Variants in ADIPOR2 observed in about 807,000 individuals in gnomAD.
The protein encoded by ADIPOR2 is adiponectin receptor protein 2.
A neutral mutation model predicts 40.9 loss-of-function variants in ADIPOR2; 18 were observed. The ratio of observed to expected loss-of-function variants is 0.44; its 90% confidence interval spans 0.30 to 0.65. The LOEUF is 0.65. Among genes scored for constraint, ADIPOR2 ranks in the 30% least tolerant of loss-of-function variants. ADIPOR2 has a pLI of 0.09. For missense variants in ADIPOR2, 283 were observed against 479.2 expected, an observed-to-expected ratio of 0.59 and a Z score of 3.82; for synonymous variants, 165 against 166.4, an observed-to-expected ratio of 0.99 and a Z score of 0.06.
chr12:1,749,027 G>A (rs1379120465), intron 1 of ADIPOR2, among the ~76,000 whole-genome samples: 1 of 152,176 alleles, frequency 6.6e-6, no homozygotes, highest in African/African-American at 2.4e-5. Flanking sequence ...GGCTCCCATG[G>A]CCCCCTCTTT....
intron 1 of ADIPOR2, among the ~76,000 whole-genome samples, chr12:1,745,993 TAA>T (rs1466694398): frequency 6.6e-6 from 1 of 152,142 alleles, no homozygotes; most frequent in Non-Finnish European, 1.5e-5. Context: ...AAAATAAAAA[TAA>T]GTCTTCTTCC....
At position 1,786,164 on chromosome 12, in the gene ADIPOR2, GC is replaced by G; in HGVS notation, c.*96del. 2 of 1,513,328 alleles carry G rather than the reference GC, an allele frequency of 1.3e-6. No homozygotes were observed. The highest frequency in any genetic ancestry group is 2.3e-5 in the East Asian group (1 of 43,952). 93.7% of individuals were successfully genotyped at this position (1,513,328 alleles called of 1,614,324 possible). ...GGCTACTGATGCCAGTACCAGAGGA[GC>G]CCCAAAACTTTGACAGCCTCGTGGG... On this transcript the variant is annotated 3_prime_UTR_variant, in exon 8 of 8. Coordinates refer to ENST00000357103, the MANE Select transcript of ADIPOR2 (RefSeq NM_024551.3).
At chr12:1,719,376 T>A (rs2094693540) in intron 1 of ADIPOR2, among the ~76,000 whole-genome samples, 1 of 152,208 alleles carries the variant, frequency 6.6e-6, no homozygotes, top group South Asian at 2.1e-4. Context: ...ATGCATTTAT[T>A]TGAGAACAGT....
intron 1 of ADIPOR2, among the ~76,000 whole-genome samples, chr12:1,748,447 A>C (rs535649195): frequency 6.6e-6 from 1 of 151,928 alleles, no homozygotes; most frequent in African/African-American, 2.4e-5. Context: ...ATGGGGTTTC[A>C]CCGTGTTAGC....
At chr12:1,753,816 G>A (rs1027471198) in intron 1 of ADIPOR2, among the ~76,000 whole-genome samples, 1 of 151,744 alleles carries the variant, frequency 6.6e-6, no homozygotes, top group Non-Finnish European at 1.5e-5. Flanking sequence ...CATACAATTA[G>A]TATTTAGAAT....
chr12:1,772,827 G>A lies in ADIPOR2; in HGVS notation c.172-15G>A, dbSNP rs370308400. 1.3e-6 allele frequency: 2 copies of A among 1,599,076 alleles called. No homozygotes were observed. Among genetic ancestry groups the A allele is most frequent in the African/African-American group, 1.3e-5 (1 of 74,470 alleles). Reference sequence around the variant, plus strand: ...CCAGTCTCTGTCCTTGACTGTTTCTGTGATTGCCTTGCAGAGCTCTGAGGA... The same window carrying A: ...CCAGTCTCTGTCCTTGACTGTTTCTATGATTGCCTTGCAGAGCTCTGAGGA... On this transcript the variant is annotated splice_polypyrimidine_tract_variant and intron_variant, in intron 2 of 7. Coordinates refer to ENST00000357103, the MANE Select transcript of ADIPOR2 (RefSeq NM_024551.3).
intron 1 of ADIPOR2, among the ~76,000 whole-genome samples, chr12:1,720,128 CAA>C (rs1234401253): frequency 2.0e-5 from 3 of 152,092 alleles, no homozygotes; most frequent in Non-Finnish European, 4.4e-5. Flanking sequence ...ATATCAGAAA[CAA>C]ATGAAAAGAA....
chr12:1,714,352 C>T (rs961657306), intron 1 of ADIPOR2, among the ~76,000 whole-genome samples: 3 of 151,998 alleles, frequency 2.0e-5, no homozygotes, highest in East Asian at 1.9e-4. Flanking sequence ...TTTAATAATG[C>T]GTCCAAATTT....
intron 2 of ADIPOR2, among the ~76,000 whole-genome samples, chr12:1,763,317 C>T (rs1477754915): frequency 2.0e-5 from 3 of 152,150 alleles, no homozygotes; most frequent in Non-Finnish European, 4.4e-5. Flanking sequence ...AAGTTCCAGA[C>T]CGGTAGGAAT....
At chr12:1,754,845 G>C (rs1216121814) in intron 2 of ADIPOR2, among the ~76,000 whole-genome samples, 3 of 120,864 alleles carry the variant, frequency 2.5e-5, no homozygotes, top group Admixed American at 7.8e-5. Flanking sequence ...CGATTCTCCT[G>C]CCTCGACTAC....
At chr12:1,781,874 G>A (rs1487275574) in intron 6 of ADIPOR2, among the ~76,000 whole-genome samples, 1 of 152,174 alleles carries the variant, frequency 6.6e-6, no homozygotes, top group Non-Finnish European at 1.5e-5. Context: ...AAAACACTCT[G>A]CCGTCCTCCT....
At chr12:1,766,668 C>G (rs781621015) in intron 2 of ADIPOR2, among the ~76,000 whole-genome samples, 7 of 152,108 alleles carry the variant, frequency 4.6e-5, no homozygotes, top group Non-Finnish European at 8.8e-5. Flanking sequence ...CCAGGTTGTC[C>G]TGATCTTTAT....
At chr12:1,756,324 T>C (rs1319850067) in intron 2 of ADIPOR2, among the ~76,000 whole-genome samples, 1 of 152,046 alleles carries the variant, frequency 6.6e-6, no homozygotes, top group Non-Finnish European at 1.5e-5. Flanking sequence ...CTAATTTTTG[T>C]ATTTTTAGTA....
At chr12:1,716,782 T>G (rs2094688487) in intron 1 of ADIPOR2, among the ~76,000 whole-genome samples, 1 of 152,246 alleles carries the variant, frequency 6.6e-6, no homozygotes, top group Non-Finnish European at 1.5e-5. Flanking sequence ...CTTAGCAATT[T>G]TTCATCCAGC....
intron 1 of ADIPOR2, among the ~76,000 whole-genome samples, chr12:1,734,341 T>G (rs2094726244): frequency 6.6e-6 from 1 of 152,186 alleles, no homozygotes; most frequent in Non-Finnish European, 1.5e-5. Context: ...TGGTTTTGAT[T>G]TGCATTTCTC....
At chr12:1,727,401 A>G (rs988043018) in intron 1 of ADIPOR2, among the ~76,000 whole-genome samples, 24 of 152,226 alleles carry the variant, frequency 1.6e-4, no homozygotes, top group Admixed American at 1.5e-3. Flanking sequence ...AGTAGGGTGT[A>G]TAGTATGTTT....
intron 1 of ADIPOR2, among the ~76,000 whole-genome samples, chr12:1,715,984 A>G (rs1026261718): frequency 1.3e-5 from 2 of 151,954 alleles, no homozygotes; most frequent in Non-Finnish European, 1.5e-5. Flanking sequence ...CTCCTTCCAC[A>G]CCGTAGAAGC....
rs1469647928 is a variant in ADIPOR2, at chr12:1,754,336, G to C, written c.-8G>C. On this transcript the variant is annotated 5_prime_UTR_variant, in exon 2 of 8. Coordinates refer to ENST00000357103, the MANE Select transcript of ADIPOR2 (RefSeq NM_024551.3). ...CAGATCTATTTGTAAGAAAGGCTTG[G>C]GTATCCCATGAACGAGCCAACAGAA... 1.4e-5 allele frequency: 22 copies of C among 1,586,872 alleles called. No individual in the cohort carries two copies. In the Admixed American group the frequency reaches 3.9e-4, roughly 28 times the overall value.
At chr12:1,753,652 CCTGTTTATTT>C (rs756876481) in intron 1 of ADIPOR2, among the ~76,000 whole-genome samples, 8 of 152,038 alleles carry the variant, frequency 5.3e-5, no homozygotes, top group Non-Finnish European at 1.0e-4. Context: ...AAGACTTTGT[CCTGTTTATTT>C]TTTATAAAGT....
Sources: gnomAD v4.1 joint callset for allele counts (sites outside exome capture counted in the v4.1 genomes callset) on GRCh38, gnomAD v4.1.1 for gene constraint, MANE v1.5 for transcripts, NCBI Gene and HGNC (gene_info 2026-07-23, HGNC 2026-07-21) for gene names.